CDH3: variants seen among roughly 807,000 people sequenced by gnomAD.
The protein encoded by CDH3 is cadherin-3.
Under a neutral mutation model 82.0 loss-of-function variants are expected in CDH3, and 54 were observed. That is an observed-to-expected ratio of 0.66 (90% CI 0.53 to 0.83). The LOEUF (loss-of-function observed/expected upper bound fraction) is 0.83, where lower values mean the gene tolerates loss of function less well. Ranked by LOEUF, CDH3 falls within the 40% of genes least tolerant of loss-of-function variation. The pLI is 0.00. For synonymous variants in CDH3, 446 were observed against 437.9 expected (o/e 1.02, Z -0.23); for missense variants, 1,054 against 1,084.6 (o/e 0.97, Z 0.40).
chr16:68,650,529 G>A (rs751674599), intron 2 of CDH3, among the ~76,000 whole-genome samples: 4 of 152,146 alleles, frequency 2.6e-5, no homozygotes, highest in African/African-American at 4.8e-5. Context: ...TCGAACTCCC[G>A]ATCTCAGGTG....
chr16:68,731,617 G>A (rs1419224609), downstream of CDH3, among the ~76,000 whole-genome samples: 1 of 149,038 alleles, frequency 6.7e-6, no homozygotes. Context: ...CAGGTGGATT[G>A]TTTGAGCTCA....
At chr16:68,725,555 G>C (rs925819398) in intron 2 of CDH3, among the ~76,000 whole-genome samples, 5 of 151,770 alleles carry the variant, frequency 3.3e-5, no homozygotes, top group East Asian at 3.9e-4. Flanking sequence ...GGATGGTCTC[G>C]ATCTCCTGAC....
chr16:68,679,914 G>C lies in CDH3; in HGVS notation c.807G>C (p.Met269Ile). 2 of 1,614,132 alleles carry C rather than the reference G, an allele frequency of 1.2e-6. No individual in the cohort carries two copies. The highest frequency in any genetic ancestry group is 1.7e-6 in the Non-Finnish European group (2 of 1,180,028). Residue 269 changes from methionine to isoleucine, a missense_variant, in exon 7 of 16, where the codon ATG (methionine) becomes ATC (isoleucine). Coordinates refer to ENST00000264012, the MANE Select transcript of CDH3 (RefSeq NM_001793.6). ...SQEPKDPHDL[M>I]FTIHRSTGTI... ...AACCAAAGGACCCACACGACCTCAT[G>C]TTCACCATTCACCGGAGCACAGGCA...
At chr16:68,671,441 T>C (rs1305106548) in intron 2 of CDH3, among the ~76,000 whole-genome samples, 6 of 152,056 alleles carry the variant, frequency 3.9e-5, no homozygotes, top group Non-Finnish European at 8.8e-5. Context: ...TGTAACTACC[T>C]GTGTCCAAAC....
chr16:68,695,799 A>G lies in CDH3; in HGVS notation c.2156A>G (p.His719Arg), dbSNP rs541712187. ...CAGGACTATGACATCACCCAGCTCC[A>G]CCGAGGTCTGGAGGCCAGGCCGGAG... ...EDQDYDITQLHRGLEARPEVV... is the reference protein window; with the variant it reads ...EDQDYDITQLRRGLEARPEVV... Residue 719 changes from histidine (H) to arginine (R), a missense_variant, in exon 15 of 16, where the codon CAC (histidine) becomes CGC (arginine). By Grantham distance (29) the His-to-Arg change is conservative. Coordinates refer to ENST00000264012, the MANE Select transcript of CDH3 (RefSeq NM_001793.6). 1.9e-6 allele frequency: 3 copies of G among 1,614,162 alleles called. No homozygotes were observed.
intron 2 of CDH3, among the ~76,000 whole-genome samples, chr16:68,669,063 C>T (rs1960817547): frequency 6.6e-6 from 1 of 152,200 alleles, no homozygotes; most frequent in Non-Finnish European, 1.5e-5. Context: ...TCCAAGTCTT[C>T]TGGACTCCAA....
chr16:68,674,362 C>T (rs183834134), intron 2 of CDH3, among the ~76,000 whole-genome samples: 1 of 152,066 alleles, frequency 6.6e-6, no homozygotes, highest in African/African-American at 2.4e-5. Context: ...AGTCCTTTGC[C>T]TGTTTTTTAA....
downstream of CDH3, among the ~76,000 whole-genome samples, chr16:68,730,302 G>T (rs1208730733): frequency 1.3e-5 from 2 of 151,150 alleles, no homozygotes; most frequent in African/African-American, 4.9e-5. Flanking sequence ...TGAGGCGGGC[G>T]GATCACTTGA....
intron 1 of CDH3, among the ~76,000 whole-genome samples, chr16:68,719,502 C>CTT (rs71148939): frequency 0.25 from 18,249 of 74,414 alleles, 3,338 homozygotes; most frequent in East Asian, 0.31. Flanking sequence ...TGGAACTGTT[C>CTT]TTTTTTTTTT....
At chr16:68,731,437 T>TACAC (rs1962290508), downstream of CDH3, among the ~76,000 whole-genome samples, 1 of 11,804 alleles carries the variant, frequency 8.5e-5, no homozygotes, top group Admixed American at 9.5e-4. Flanking sequence ...TATACACATA[T>TACAC]ATATACACAC....
rs1439683638 is a variant in CDH3, at chr16:68,645,329, G to A, written c.-51G>A. 1.9e-6 allele frequency: 3 copies of A among 1,593,172 alleles called. No homozygotes were observed. The highest frequency in any genetic ancestry group is 3.4e-5 in the Admixed American group (2 of 59,564). On this transcript the variant is annotated 5_prime_UTR_variant, in exon 1 of 16. Transcript: ENST00000264012. ...GTGCTCAAAGGGGCAAGAGCTGAGC[G>A]GAACACCGGCCCGCCGTCGCGGCAG...
chr16:68,691,231 C>G (rs1487351095), intron 12 of CDH3, among the ~76,000 whole-genome samples: 1 of 152,062 alleles, frequency 6.6e-6, no homozygotes, highest in Non-Finnish European at 1.5e-5. Context: ...GTCTCGATCT[C>G]TTGACCTCGT....
chr16:68,730,777 T>G (rs1962274197), downstream of CDH3, among the ~76,000 whole-genome samples: 1 of 151,668 alleles, frequency 6.6e-6, no homozygotes, highest in African/African-American at 2.4e-5. Flanking sequence ...TCCCAGCACT[T>G]TGGGAGGCCA....
intron 1 of CDH3, among the ~76,000 whole-genome samples, chr16:68,716,816 C>T (rs112151402): frequency 0.026 from 3,959 of 151,688 alleles, 193 homozygotes; most frequent in African/African-American, 0.091. Flanking sequence ...CTCAACCTCC[C>T]GGGCTCAAGT....
At position 68,699,484 on chromosome 16, in the gene CDH3, ATTTT is replaced by A. The variant is rs34099768; in HGVS notation, c.*1098_*1101del. The A allele has an allele frequency of 5.0e-5, 7 of 140,044 alleles. No individual in the cohort carries two copies. Among genetic ancestry groups the A allele is most frequent in the Non-Finnish European group, 4.6e-5 (3 of 65,190 alleles). 8.7% of individuals were successfully genotyped at this position (140,044 alleles called of 1,614,324 possible). ...AGCCAGCTCTGCTACTTGCTAGCAC[ATTTT>A]TTTTTTTTTTTTTGAGACGGAGTCT... On this transcript the variant is annotated 3_prime_UTR_variant, in exon 16 of 16. Coordinates refer to ENST00000264012, the MANE Select transcript of CDH3 (RefSeq NM_001793.6).
intron 3 of CDH3, 79 bp from the exon 4 acceptor site, chr16:68,678,055 T>G (rs531947767): frequency 7.3e-7 from 1 of 1,375,676 alleles, no homozygotes; most frequent in African/African-American, 1.4e-5. Context: ...AGCCACCCTT[T>G]TAACTCTTAT....
At chr16:68,665,863 C>T (rs1286678454) in intron 2 of CDH3, among the ~76,000 whole-genome samples, 1 of 152,166 alleles carries the variant, frequency 6.6e-6, no homozygotes, top group Non-Finnish European at 1.5e-5. Context: ...GAACTGCTTT[C>T]TCCACCCTCA....
chr16:68,709,903 T>C (rs1962006619), intron 1 of CDH3, among the ~76,000 whole-genome samples: 1 of 152,138 alleles, frequency 6.6e-6, no homozygotes, highest in Admixed American at 6.6e-5. Context: ...TTCAACCACT[T>C]CTGTCCATTC....
intron 8 of CDH3, among the ~76,000 whole-genome samples, chr16:68,681,488 A>G (rs540597542): frequency 2.6e-5 from 4 of 152,334 alleles, no homozygotes; most frequent in African/African-American, 9.6e-5. Flanking sequence ...TGCCAATTAC[A>G]TCCTCCCCCT....
Sources: gnomAD v4.1 joint callset for allele counts (sites outside exome capture counted in the v4.1 genomes callset) on GRCh38, gnomAD v4.1.1 for gene constraint, MANE v1.5 for transcripts, NCBI Gene and HGNC (gene_info 2026-07-23, HGNC 2026-07-21) for gene names.